RBFOX1: variants seen among roughly 807,000 people sequenced by gnomAD.
RBFOX1 encodes RNA binding fox-1 homolog 1.
In RBFOX1, 8 loss-of-function variants were observed where a neutral mutation model predicts 57.7. That is an observed-to-expected ratio of 0.14 (90% confidence interval 0.08 to 0.25). The LOEUF is 0.25. RBFOX1 is among the 10% of genes least tolerant of loss of function. The probability of loss-of-function intolerance (pLI) is 1.00; values close to 1 mark genes in which losing one functional copy is unlikely to be tolerated. For synonymous variants in RBFOX1, 326 were observed against 222.4 expected (o/e 1.47, Z -4.15); for missense variants, 611 against 548.5 (o/e 1.11, Z -1.14).
At chr16:6,508,435 T>G (rs2096167889) in intron 2 of RBFOX1, among the ~76,000 whole-genome samples, 1 of 152,180 alleles carries the variant, frequency 6.6e-6, no homozygotes, top group Non-Finnish European at 1.5e-5. Flanking sequence ...TAAGATTATG[T>G]GGGTTTTTTA....
chr16:6,590,332 G>C (rs74803164), intron 2 of RBFOX1, among the ~76,000 whole-genome samples: 3,915 of 152,268 alleles, frequency 0.026, 129 homozygotes, highest in African/African-American at 0.074. Context: ...GGATTTGCCT[G>C]TAGGTGTCAT....
intron 4 of RBFOX1, among the ~76,000 whole-genome samples, chr16:7,355,217 C>T (rs1430044500): frequency 1.3e-5 from 2 of 152,166 alleles, no homozygotes. Context: ...TTGTGCTCCT[C>T]GTCCTTCTAA....
rs902077435 is a variant in RBFOX1 at position 6,990,333 on chromosome 16, T to C, written c.-15-61724T>C. Among the ~76,000 whole-genome samples the C allele has an allele frequency of 2.6e-5, 4 of 152,248 alleles. No homozygotes were observed. The East Asian group carries it at 7.8e-4, about 30-fold the overall frequency. ...TGAGGTCAGGAGTTCGAGACCAGCCTGGCCAACATGGTGAAACCCCATTTC... is the reference window on the plus strand; with the variant it reads ...TGAGGTCAGGAGTTCGAGACCAGCCCGGCCAACATGGTGAAACCCCATTTC... On this transcript the variant is annotated intron_variant, in intron 3 of 15. Coordinates refer to ENST00000550418, the MANE Select transcript of RBFOX1 (RefSeq NM_018723.4).
At chr16:5,335,890 A>T (rs894200583) in intron 1 of RBFOX1, among the ~76,000 whole-genome samples, 1 of 152,092 alleles carries the variant, frequency 6.6e-6, no homozygotes, top group Non-Finnish European at 1.5e-5. Flanking sequence ...GGTGATGGTA[A>T]TTATACCTGC....
intron 1 of RBFOX1, among the ~76,000 whole-genome samples, chr16:5,294,345 T>C (rs546724846): frequency 4.6e-5 from 7 of 152,312 alleles, no homozygotes; most frequent in Admixed American, 6.5e-5. Flanking sequence ...ACTGCGGTTT[T>C]AAAATCTCCC....
At chr16:5,880,552 C>G (rs2057737513) in intron 4 of RBFOX1, among the ~76,000 whole-genome samples, 1 of 152,138 alleles carries the variant, frequency 6.6e-6, no homozygotes, top group South Asian at 2.1e-4. Flanking sequence ...ATTAGCTTTG[C>G]TTTGTAGATG....
At chr16:7,043,468 T>C (rs1270841968) in intron 3 of RBFOX1, among the ~76,000 whole-genome samples, 1 of 152,142 alleles carries the variant, frequency 6.6e-6, no homozygotes, top group Non-Finnish European at 1.5e-5. Context: ...AAACGCAAAC[T>C]CCAGGGCTCA....
chr16:5,625,319 C>T (rs980026381), intron 3 of RBFOX1, among the ~76,000 whole-genome samples: 3 of 151,864 alleles, frequency 2.0e-5, no homozygotes, highest in African/African-American at 7.3e-5. Flanking sequence ...TGAGGGTGGT[C>T]CCCAGCTGTC....
chr16:7,328,134 G>A (rs960358), intron 4 of RBFOX1, among the ~76,000 whole-genome samples: 35,230 of 152,060 alleles, frequency 0.23, 4,511 homozygotes, highest in African/African-American at 0.33. Flanking sequence ...CCTCCAGAGT[G>A]GCGGAGACTC....
At chr16:6,809,135 G>A (rs769756647) in intron 3 of RBFOX1, among the ~76,000 whole-genome samples, 3 of 152,180 alleles carry the variant, frequency 2.0e-5, no homozygotes, top group Non-Finnish European at 4.4e-5. Context: ...CAGTTCAGCT[G>A]TTTGTGTACC....
intron 5 of RBFOX1, among the ~76,000 whole-genome samples, chr16:7,539,780 G>T (rs1430186790): frequency 6.6e-6 from 1 of 152,190 alleles, no homozygotes; most frequent in African/African-American, 2.4e-5. Flanking sequence ...TTCAGATGAG[G>T]CTTGGGAGAT....
chr16:6,730,453 T>C (rs1364026267), intron 3 of RBFOX1, among the ~76,000 whole-genome samples: 1 of 4,642 alleles, frequency 2.2e-4, no homozygotes, highest in East Asian at 0.5. Flanking sequence ...TTTATCAAAT[T>C]ATCTAATCTA....
At chr16:6,393,208 C>T (rs949951404) in intron 2 of RBFOX1, among the ~76,000 whole-genome samples, 1 of 152,178 alleles carries the variant, frequency 6.6e-6, no homozygotes, top group South Asian at 2.1e-4. Context: ...TGAAATGTCA[C>T]ATTATTTCAT....
chr16:6,709,042 A>T (rs909820601), intron 3 of RBFOX1, among the ~76,000 whole-genome samples: 3 of 152,074 alleles, frequency 2.0e-5, no homozygotes, highest in Middle Eastern at 3.4e-3. Flanking sequence ...CCATCTCCCC[A>T]GGTGAGCAAT....
intron 3 of RBFOX1, among the ~76,000 whole-genome samples, chr16:5,613,799 A>T (rs1002815178): frequency 6.6e-6 from 1 of 150,904 alleles, no homozygotes; most frequent in African/African-American, 2.5e-5. Context: ...ATCAAGGTAG[A>T]TGGGGTTTTT....
At chr16:6,885,862 C>G (rs1195422025) in intron 3 of RBFOX1, among the ~76,000 whole-genome samples, 4 of 151,998 alleles carry the variant, frequency 2.6e-5, no homozygotes, top group Non-Finnish European at 4.4e-5. Context: ...TAGAGAAATT[C>G]TAGAAATGGA....
rs115000126 is a variant in RBFOX1, at chr16:6,218,104, G to T, written c.-126-98891G>T. On this transcript the variant is annotated intron_variant, in intron 1 of 15. Coordinates refer to ENST00000550418, the MANE Select transcript of RBFOX1 (RefSeq NM_018723.4). ...TTAAAAGGAATGTGTCCTTCCCTTT[G>T]GTGCTGTTAGAATGAGTCCCATACA... is the stretch of plus-strand genomic sequence containing the variant. Among the ~76,000 whole-genome samples the T allele has an allele frequency of 2.0e-5, 3 of 152,118 alleles. No homozygotes were observed. In the East Asian group the frequency reaches 5.8e-4, roughly 29 times the overall value.
intron 5 of RBFOX1, among the ~76,000 whole-genome samples, chr16:7,553,525 C>G (rs1292488014): frequency 6.6e-6 from 1 of 152,202 alleles, no homozygotes; most frequent in East Asian, 1.9e-4. Context: ...ACATGCAGGA[C>G]TATCAGGCAC....
intron 2 of RBFOX1, among the ~76,000 whole-genome samples, chr16:5,502,241 T>C (rs918699900): frequency 2.6e-5 from 4 of 151,952 alleles, no homozygotes; most frequent in Admixed American, 1.3e-4. Flanking sequence ...CCTCAGGAAA[T>C]CTTTAGGAAG....
Sources: gnomAD v4.1 joint callset for allele counts (sites outside exome capture counted in the v4.1 genomes callset) on GRCh38, gnomAD v4.1.1 for gene constraint, MANE v1.5 for transcripts, NCBI Gene and HGNC (gene_info 2026-07-23, HGNC 2026-07-21) for gene names.